The following KLHDC2 variants were observed in gnomAD, a reference collection of about 807,000 sequenced individuals.
The protein encoded by KLHDC2 is kelch domain containing 2.
A neutral mutation model predicts 62.3 loss-of-function variants in KLHDC2; 38 were observed. The observed-to-expected ratio is 0.61, with a 90% CI of 0.47 to 0.80. The LOEUF (loss-of-function observed/expected upper bound fraction) is 0.80. Ranked by LOEUF, KLHDC2 falls within the 30% of genes least tolerant of loss-of-function variation. The probability of loss-of-function intolerance (pLI) is 0.00; values close to 1 mark genes in which losing one functional copy is unlikely to be tolerated. For missense variants in KLHDC2, 430 were observed against 495.3 expected, an observed-to-expected ratio of 0.87 and a Z score of 1.25; for synonymous variants, 159 against 161.0, an observed-to-expected ratio of 0.99 and a Z score of 0.09.
intron 3 of KLHDC2, 174 bp downstream of exon 3, chr14:49,774,852 C>A: frequency 1.6e-6 from 1 of 624,410 alleles, no homozygotes; most frequent in Non-Finnish European, 2.8e-6. Flanking sequence ...CTGTATTTAC[C>A]TAGGCATTAT....
At chr14:49,775,158 G>A (rs1015490011) in intron 3 of KLHDC2, among the ~76,000 whole-genome samples, 10 of 152,098 alleles carry the variant, frequency 6.6e-5, no homozygotes, top group African/African-American at 2.4e-4. Context: ...GTTCCAAGTA[G>A]GAAAAAATAT....
intron 6 of KLHDC2, among the ~76,000 whole-genome samples, chr14:49,778,746 CAG>C (rs1390731359): frequency 6.7e-5 from 10 of 148,782 alleles, no homozygotes; most frequent in Non-Finnish European, 1.5e-4. Flanking sequence ...TTTTTTGAGA[CAG>C]AGTCTCGCAC....
In KLHDC2 at chr14:49,774,659, C is replaced by A; in HGVS notation, c.332C>A (p.Ser111Ter). 1 of 1,599,548 alleles carries A rather than the reference C, an allele frequency of 6.3e-7. No individual in the cohort carries two copies. Among genetic ancestry groups the A allele is most frequent in the South Asian group, 1.1e-5 (1 of 90,786 alleles). The change falls in exon 3 of 13, where the codon TCA becomes TAA. Residue 111 changes from serine to a stop codon, truncating the protein, a stop_gained. Transcript: ENST00000298307. LOFTEE classifies it high-confidence loss of function. ...CTGTACTTGTTTGGAGGACACCATT[C>A]AAGAGGCAATACCAATAAGGTTAGT... ...RVLYLFGGHH[S>*]RGNTNKFYML...
intron 2 of KLHDC2, among the ~76,000 whole-genome samples, chr14:49,772,831 C>T (rs1889691937): frequency 6.6e-6 from 1 of 152,108 alleles, no homozygotes; most frequent in Non-Finnish European, 1.5e-5. Flanking sequence ...TGGCAGGTGC[C>T]TATAATCCCA....
In KLHDC2 at chr14:49,778,244, T is replaced by C; in HGVS notation, c.534T>C (p.Asp178=). The C allele has an allele frequency of 1.9e-6, 3 of 1,606,108 alleles. No individual in the cohort carries two copies. Among genetic ancestry groups the C allele is most frequent in the Non-Finnish European group, 2.6e-6 (3 of 1,173,810 alleles). ...AAGTATTGGGAACTTTTGAATTCGA[T>C]GAAACATCTTTTTGGGTAAGTGAAG... The part of the protein sequence containing the change: ...EDKVLGTFEF[D]ETSFWNSSHP... The change falls in exon 5 of 13, where the codon GAT becomes GAC. Residue 178 remains aspartate (D), a synonymous_variant. Coordinates refer to ENST00000298307, the MANE Select transcript of KLHDC2 (RefSeq NM_014315.3).
rs1296725093 is a variant in KLHDC2, at chr14:49,786,053, T to C, written c.*3100T>C. The C allele has an allele frequency of 6.6e-6, 1 of 152,414 alleles. No individual in the cohort carries two copies. The highest frequency in any genetic ancestry group is 1.5e-5 in the Non-Finnish European group (1 of 68,376). 9.4% of individuals were successfully genotyped at this position (152,414 alleles called of 1,614,324 possible). A position where few individuals can be genotyped will look rare whatever the true frequency, so the allele number is the denominator to read the frequency against. On this transcript the variant is annotated 3_prime_UTR_variant, in exon 13 of 13. Transcript: ENST00000298307. ...ACCACTATTTCTCGTCCTGGGGAGA[T>C]TCTGCCCTCAGAAGACAATGGGCAA...
intron 1 of KLHDC2, among the ~76,000 whole-genome samples, chr14:49,769,978 G>C (rs965792216): frequency 9.3e-5 from 14 of 151,276 alleles, no homozygotes; most frequent in Non-Finnish European, 1.5e-4. Flanking sequence ...TTGCAAGAAG[G>C]GGGGCGGGGG....
Position 49,779,741 on chromosome 14 carries a change from T to G in KLHDC2, c.715-7T>G. ...TTCAAAATGATAACTTAATTATCCT[T>G]TTTTAGGATGCTAGAATGAATGATC... On this transcript the variant is annotated splice_polypyrimidine_tract_variant and splice_region_variant and intron_variant, in intron 7 of 12. Coordinates refer to ENST00000298307, the MANE Select transcript of KLHDC2 (RefSeq NM_014315.3). 2.5e-6 allele frequency: 4 copies of G among 1,609,898 alleles called. No homozygotes were observed. The highest frequency in any genetic ancestry group is 2.5e-6 in the Non-Finnish European group (3 of 1,176,476).
Position 49,783,031 on chromosome 14 carries a change from A to AATTATATGCATTGTTGTAGTTTG in KLHDC2, c.*79_*101dup. 1 of 1,451,724 alleles carries AATTATATGCATTGTTGTAGTTTG rather than the reference A, an allele frequency of 6.9e-7. No individual in the cohort carries two copies. Among genetic ancestry groups the AATTATATGCATTGTTGTAGTTTG allele is most frequent in the Non-Finnish European group, 9.4e-7 (1 of 1,063,316 alleles). 89.9% of individuals were successfully genotyped at this position (1,451,724 alleles called of 1,614,324 possible). A position where few individuals can be genotyped will look rare whatever the true frequency, so the allele number is the denominator to read the frequency against. ...CATCACAGAGTGGCATCATTTGTAT[A>AATTATATGCATTGTTGTAGTTTG]ATTATATGCATTGTTGTAGTTTGCA... On this transcript the variant is annotated 3_prime_UTR_variant, in exon 13 of 13. Transcript: ENST00000298307.
intron 2 of KLHDC2, among the ~76,000 whole-genome samples, chr14:49,772,802 A>G (rs760650403): frequency 6.6e-6 from 1 of 152,126 alleles, no homozygotes; most frequent in Non-Finnish European, 1.5e-5. Flanking sequence ...ACAAAAATAC[A>G]AAAATTAGCC....
rs774465218 is a variant in KLHDC2 at position 49,785,450 on chromosome 14, A to G, written c.*2497A>G. ...ATATACATACCATCTAAGCTGGAAC[A>G]GTGGTACTTAAACTCTGCTTCATAG... On this transcript the variant is annotated 3_prime_UTR_variant, in exon 13 of 13. Coordinates refer to ENST00000298307, the MANE Select transcript of KLHDC2 (RefSeq NM_014315.3). 58 of 660,968 alleles carry G rather than the reference A, an allele frequency of 8.8e-5. No individual in the cohort carries two copies. The highest frequency in any genetic ancestry group is 1.5e-4 in the Non-Finnish European group (54 of 366,428). 40.9% of individuals were successfully genotyped at this position (660,968 alleles called of 1,614,324 possible). A position where few individuals can be genotyped will look rare whatever the true frequency, so the allele number is the denominator to read the frequency against.
At chr14:49,771,383 C>G (rs1360112573) in intron 1 of KLHDC2, among the ~76,000 whole-genome samples, 2 of 151,812 alleles carry the variant, frequency 1.3e-5, no homozygotes, top group Non-Finnish European at 2.9e-5. Context: ...TCTTCTTGTC[C>G]TATTGCAACT....
chr14:49,773,209 C>A (rs1889699355), intron 2 of KLHDC2, among the ~76,000 whole-genome samples: 1 of 151,130 alleles, frequency 6.6e-6, no homozygotes, highest in Non-Finnish European at 1.5e-5. Flanking sequence ...GTCAGGAGAT[C>A]CAGACCATCC....
intron 8 of KLHDC2, 59 bp from the exon 9 acceptor site, chr14:49,780,153 AC>A (rs1452625940): frequency 8.2e-6 from 9 of 1,098,060 alleles, no homozygotes; most frequent in Non-Finnish European, 1.2e-5. Context: ...TTAAAAGAAA[AC>A]TTAAAAATAC....
rs745744033 is a variant in KLHDC2, at chr14:49,768,500, A to C, written c.32A>C (p.Asp11Ala). The stretch of plus-strand genomic sequence containing the variant: ...GATGGCAACGAGGATCTGCGGGCTG[A>C]CGACTTGCCTGGGCCAGCCTTCGAG... Reference protein sequence around the residue: MADGNEDLRADDLPGPAFESY... With the variant: MADGNEDLRAADLPGPAFESY... The change falls in exon 1 of 13, where the codon GAC becomes GCC. Residue 11 changes from aspartate to alanine, a missense_variant. By Grantham distance (126) the Asp-to-Ala change is moderately radical. Transcript: ENST00000298307. 3.1e-6 allele frequency: 5 copies of C among 1,609,992 alleles called. No homozygotes were observed. The highest frequency in any genetic ancestry group is 4.2e-6 in the Non-Finnish European group (5 of 1,178,640).
intron 3 of KLHDC2, among the ~76,000 whole-genome samples, chr14:49,776,855 T>C (rs1889783286): frequency 6.6e-6 from 1 of 151,112 alleles, no homozygotes; most frequent in Non-Finnish European, 1.5e-5. Flanking sequence ...GGGCAGAAAT[T>C]GCAGTGAGCC....
At position 49,777,826 on chromosome 14, in the gene KLHDC2, T is replaced by C. The variant is rs185163144; in HGVS notation, c.352-13T>C. The C allele has an allele frequency of 9.7e-5, 133 of 1,369,672 alleles. 3 individuals are homozygous for C. In the East Asian group the frequency reaches 1.4e-3, roughly 15 times the overall value. 84.8% of individuals were successfully genotyped at this position (1,369,672 alleles called of 1,614,324 possible). A position where few individuals can be genotyped will look rare whatever the true frequency, so the allele number is the denominator to read the frequency against. ...ATAAAACCAACTCTAACTGAAATCA[T>C]TGCTTCTGACAGTTCTACATGCTGG... On this transcript the variant is annotated splice_polypyrimidine_tract_variant and intron_variant, in intron 3 of 12. Transcript: ENST00000298307.
chr14:49,780,319 CTAAG>C lies in KLHDC2; in HGVS notation c.883+3_883+6del. The C allele has an allele frequency of 1.9e-6, 3 of 1,545,954 alleles. No individual in the cohort carries two copies. The highest frequency in any genetic ancestry group is 1.8e-6 in the Non-Finnish European group (2 of 1,118,320). ...AGGATTTACCACTGATAAACAGCCA[CTAAG>C]TAAGTCCTTGAAAAATATGATAATG... is the stretch of plus-strand genomic sequence containing the variant. On this transcript the variant is annotated splice_donor_variant and coding_sequence_variant, in exon 9 of 13. Coordinates refer to ENST00000298307, the MANE Select transcript of KLHDC2 (RefSeq NM_014315.3). LOFTEE classifies it high-confidence loss of function.
chr14:49,770,177 G>A (rs1413579706), intron 1 of KLHDC2, among the ~76,000 whole-genome samples: 1 of 152,174 alleles, frequency 6.6e-6, no homozygotes, highest in Non-Finnish European at 1.5e-5. Context: ...AAAGGGCCTG[G>A]ATGATTGGGG....
Sources: gnomAD v4.1 joint callset for allele counts (sites outside exome capture counted in the v4.1 genomes callset) on GRCh38, gnomAD v4.1.1 for gene constraint, MANE v1.5 for transcripts, NCBI Gene and HGNC (gene_info 2026-07-23, HGNC 2026-07-21) for gene names.